Variants in POFUT3 observed in about 807,000 individuals in gnomAD.
The protein encoded by POFUT3 is GDP-fucose protein O-fucosyltransferase 3.
At chr8:33,334,003 A>G in the POFUT3 span, among the ~76,000 whole-genome samples, 3 of 152,118 alleles carry the variant, frequency 2.0e-5, no homozygotes, top group Admixed American at 2.0e-4. Flanking sequence ...AAAAAAATAG[A>G]CAATCCAACA....
At chr8:33,356,289 C>T in the POFUT3 span, among the ~76,000 whole-genome samples, 2 of 151,148 alleles carry the variant, frequency 1.3e-5, no homozygotes, top group Admixed American at 6.6e-5. Context: ...GTCCCACCAA[C>T]AGTGTAAAAG....
the POFUT3 span, among the ~76,000 whole-genome samples, chr8:33,379,585 C>A: frequency 6.6e-6 from 1 of 151,950 alleles, no homozygotes. Flanking sequence ...CGCCTGTAAT[C>A]TCAGCACTTT....
the POFUT3 span, among the ~76,000 whole-genome samples, chr8:33,446,454 T>G: frequency 9.4e-5 from 7 of 74,274 alleles, no homozygotes; most frequent in South Asian, 2.0e-3. Context: ...AAGATCCTAT[T>G]ACAAAAAAAA....
the POFUT3 span, among the ~76,000 whole-genome samples, chr8:33,390,408 A>G: frequency 6.6e-6 from 1 of 152,104 alleles, no homozygotes; most frequent in African/African-American, 2.4e-5. Context: ...TGCCTCTTGC[A>G]ATGGGCTTTT....
the POFUT3 span, among the ~76,000 whole-genome samples, chr8:33,356,032 T>C: frequency 6.6e-5 from 10 of 152,228 alleles, no homozygotes; most frequent in South Asian, 2.1e-3. Context: ...TAGTATTCCA[T>C]GGTGTATATG....
the POFUT3 span, among the ~76,000 whole-genome samples, chr8:33,382,697 A>T: frequency 7.2e-3 from 1,091 of 152,312 alleles, 4 homozygotes; most frequent in South Asian, 0.015. Context: ...GTGCACAAGC[A>T]AGAAACTGAC....
At chr8:33,399,840 G>C in the POFUT3 span, among the ~76,000 whole-genome samples, 1 of 151,914 alleles carries the variant, frequency 6.6e-6, no homozygotes, top group East Asian at 2.0e-4. Context: ...TTTTTGTAGA[G>C]ACGGGGTTTC....
chr8:33,367,427 A>G, the POFUT3 span, among the ~76,000 whole-genome samples: 2 of 152,334 alleles, frequency 1.3e-5, no homozygotes, highest in Admixed American at 6.5e-5. Context: ...TTAATTTAAT[A>G]TCTATAGAAA....
chr8:33,407,391 C>T, the POFUT3 span, among the ~76,000 whole-genome samples: 1 of 152,152 alleles, frequency 6.6e-6, no homozygotes, highest in Non-Finnish European at 1.5e-5. Context: ...AATCAAGCAA[C>T]TCGAAATCAT....
At chr8:33,415,875 T>C in the POFUT3 span, among the ~76,000 whole-genome samples, 5 of 152,216 alleles carry the variant, frequency 3.3e-5, no homozygotes, top group African/African-American at 1.2e-4. Context: ...AGCCTCCCGC[T>C]AGAAGCCACA....
chr8:33,342,740 T>C, the POFUT3 span, among the ~76,000 whole-genome samples: 1 of 152,142 alleles, frequency 6.6e-6, no homozygotes, highest in African/African-American at 2.4e-5. Context: ...CTAAAAACCA[T>C]TTGCCAATGT....
the POFUT3 span, chr8:33,452,601 T>A: frequency 1.3e-5 from 2 of 152,124 alleles, no homozygotes; most frequent in African/African-American, 2.4e-5. Context: ...AAAACTTTTT[T>A]AAAAGTTTTA....
At chr8:33,331,543 CG>C in the POFUT3 span, among the ~76,000 whole-genome samples, 1 of 151,858 alleles carries the variant, frequency 6.6e-6, no homozygotes, top group Non-Finnish European at 1.5e-5. Flanking sequence ...CAAGTATTAC[CG>C]GGGGCAGTGG....
At chr8:33,330,640 C>T in the POFUT3 span, among the ~76,000 whole-genome samples, 1 of 152,148 alleles carries the variant, frequency 6.6e-6, no homozygotes, top group Non-Finnish European at 1.5e-5. Context: ...TGGTGTTGCA[C>T]AAGTGACTTA....
chr8:33,438,966 G>A, the POFUT3 span, among the ~76,000 whole-genome samples: 3 of 151,242 alleles, frequency 2.0e-5, no homozygotes, highest in East Asian at 5.8e-4. Flanking sequence ...ATTCAAGAGA[G>A]ATTTGGGTGG....
At chr8:33,438,183 C>A in the POFUT3 span, among the ~76,000 whole-genome samples, 1 of 152,158 alleles carries the variant, frequency 6.6e-6, no homozygotes, top group Admixed American at 6.6e-5. Flanking sequence ...AACAAAGCAT[C>A]TGAAAAGTCA....
the POFUT3 span, among the ~76,000 whole-genome samples, chr8:33,344,206 T>G: frequency 1.3e-5 from 2 of 152,118 alleles, no homozygotes; most frequent in African/African-American, 2.4e-5. Flanking sequence ...TTTCTCCTAT[T>G]TAAAAAAATG....
the POFUT3 span, chr8:33,460,853 T>A: frequency 1.9e-6 from 1 of 515,902 alleles, no homozygotes; most frequent in Non-Finnish European, 2.5e-6. Context: ...TTTCTCCCAG[T>A]AGAAAACCTC....
chr8:33,422,545 CAAAAAA>C, the POFUT3 span, among the ~76,000 whole-genome samples: 7 of 37,136 alleles, frequency 1.9e-4, no homozygotes, highest in Admixed American at 1.4e-3. Context: ...AACTCTGTCT[CAAAAAA>C]AAAAAAAAAA....
Sources: allele counts gnomAD v4.1 joint callset (sites outside exome capture counted in the v4.1 genomes callset), GRCh38; gene constraint gnomAD v4.1.1; transcripts MANE v1.5; gene names NCBI Gene and HGNC (gene_info 2026-07-23, HGNC 2026-07-21).